AADACL2: variants seen among roughly 807,000 people sequenced by gnomAD.
The protein encoded by AADACL2 is arylacetamide deacetylase like 2, also known as arylacetamide deacetylase-like 2.
Under a neutral mutation model 22.3 loss-of-function variants are expected in AADACL2, and 23 were observed. The observed-to-expected ratio is 1.03, with a 90% CI of 0.74 to 1.46. The LOEUF (loss-of-function observed/expected upper bound fraction) is 1.46, where lower values mean the gene tolerates loss of function less well. Ranked by LOEUF, AADACL2 falls within the 40% of genes most tolerant of loss-of-function variation. The probability of loss-of-function intolerance (pLI) is 0.00; values close to 1 mark genes in which losing one functional copy is unlikely to be tolerated. For missense variants in AADACL2, 472 were observed against 482.9 expected, an observed-to-expected ratio of 0.98 and a Z score of 0.21; for synonymous variants, 177 against 166.2, an observed-to-expected ratio of 1.07 and a Z score of -0.50.
chr3:151,738,823 G>A (rs554802242), intron 1 of AADACL2, among the ~76,000 whole-genome samples: 3 of 152,254 alleles, frequency 2.0e-5, no homozygotes, highest in Admixed American at 2.0e-4. Flanking sequence ...CGAAGTTCTT[G>A]TGCTGTGTTT....
intron 4 of AADACL2, among the ~76,000 whole-genome samples, chr3:151,747,103 T>G (rs1326127713): frequency 1.3e-5 from 2 of 152,124 alleles, no homozygotes; most frequent in Non-Finnish European, 2.9e-5. Context: ...GAGGTTGTAT[T>G]GAGGTACAGT....
chr3:151,739,762 T>A (rs1418230192), intron 1 of AADACL2, among the ~76,000 whole-genome samples: 1 of 152,190 alleles, frequency 6.6e-6, no homozygotes, highest in Non-Finnish European at 1.5e-5. Flanking sequence ...CTTTGCTACA[T>A]GGTGCTGAAT....
At chr3:151,738,228 A>C (rs1350385119) in intron 1 of AADACL2, among the ~76,000 whole-genome samples, 2 of 152,064 alleles carry the variant, frequency 1.3e-5, no homozygotes, top group Non-Finnish European at 1.5e-5. Context: ...TGTCTGGAAA[A>C]GATTTCATTT....
At chr3:151,734,263 A>G (rs1713020500) in intron 1 of AADACL2, 90 bp downstream of exon 1, 2 of 1,338,178 alleles carry the variant, frequency 1.5e-6, no homozygotes, top group Non-Finnish European at 2.0e-6. Context: ...TAATAGTATT[A>G]ATATCACCAT....
At chr3:151,755,944 C>T (rs896983738) in intron 4 of AADACL2, among the ~76,000 whole-genome samples, 1 of 152,074 alleles carries the variant, frequency 6.6e-6, no homozygotes, top group African/African-American at 2.4e-5. Context: ...TGTTTTGGCT[C>T]ATTTTCATTC....
rs1318377607 is a variant in AADACL2, at chr3:151,758,371, G to A, written c.*777G>A. The A allele has an allele frequency of 1.3e-5, 2 of 151,980 alleles. No individual in the cohort carries two copies. The highest frequency in any genetic ancestry group is 2.1e-4 in the South Asian group (1 of 4,822). The allele number at this position is 151,980 out of a possible 1,614,324, so 9.4% of individuals were successfully genotyped here. ...GAAAAACACATGTGTTTACATTTAG[G>A]AGGGTCCACCTGAATAGTCTAGGAT... is the stretch of plus-strand genomic sequence containing the variant. On this transcript the variant is annotated 3_prime_UTR_variant, in exon 5 of 5. Coordinates refer to ENST00000356517, the MANE Select transcript of AADACL2 (RefSeq NM_207365.4).
At chr3:151,741,389 T>C (rs928673278) in intron 2 of AADACL2, among the ~76,000 whole-genome samples, 4 of 152,138 alleles carry the variant, frequency 2.6e-5, no homozygotes, top group African/African-American at 9.7e-5. Flanking sequence ...CCATAAAATC[T>C]CGGTTCCCTA....
At position 151,761,154 on chromosome 3, in the gene AADACL2, T is replaced by C. The variant is rs1460339497; in HGVS notation, c.*3560T>C. On this transcript the variant is annotated 3_prime_UTR_variant, in exon 5 of 5. Transcript: ENST00000356517. The stretch of plus-strand genomic sequence containing the variant: ...ATTTATATATGGTGAGATATATATA[T>C]ATATGGTGAGATATATATTTATATA... 2.0e-5 allele frequency: 2 copies of C among 100,520 alleles called. No homozygotes were observed. Among genetic ancestry groups the C allele is most frequent in the Non-Finnish European group, 4.2e-5 (2 of 47,638 alleles). The allele number at this position is 100,520 out of a possible 1,614,324, so 6.2% of individuals were successfully genotyped here. A position where few individuals can be genotyped will look rare whatever the true frequency, so the allele number is the denominator to read the frequency against.
Position 151,745,673 on chromosome 3 carries a change from C to A in AADACL2, c.596C>A (p.Thr199Asn), listed in dbSNP as rs1233157954. The change falls in exon 4 of 5, where the codon ACT (threonine) becomes AAT (asparagine). Residue 199 changes from threonine (T) to asparagine (N), a missense_variant. Coordinates refer to ENST00000356517, the MANE Select transcript of AADACL2 (RefSeq NM_207365.4). ...SSGGNLATAV[T>N]QQVQNDAEIK... ...GGGGGCAATTTAGCAACAGCGGTCA[C>A]TCAACAGGTACATTATATTTGTTTT... 6.2e-7 allele frequency: 1 copy of A among 1,606,594 alleles called. No individual in the cohort carries two copies. Among genetic ancestry groups the A allele is most frequent in the South Asian group, 1.1e-5 (1 of 89,182 alleles).
intron 4 of AADACL2, among the ~76,000 whole-genome samples, chr3:151,756,315 G>A (rs1713902584): frequency 6.6e-6 from 1 of 150,840 alleles, no homozygotes; most frequent in African/African-American, 2.4e-5. Context: ...TTGCATATCA[G>A]ACTTGTGCAC....
intron 3 of AADACL2, 100 bp from the exon 4 acceptor site, chr3:151,745,409 G>A: frequency 8.2e-7 from 1 of 1,226,970 alleles, no homozygotes; most frequent in Non-Finnish European, 1.1e-6. Context: ...ATTTTTAGAA[G>A]ACTGAACAAT....
In AADACL2 at chr3:151,757,335, G is replaced by A; in HGVS notation, c.947G>A (p.Arg316Lys). The A allele has an allele frequency of 6.2e-7, 1 of 1,613,748 alleles. No homozygotes were observed. Among genetic ancestry groups the A allele is most frequent in the Non-Finnish European group, 8.5e-7 (1 of 1,179,724 alleles). Residue 316 changes from arginine to lysine, a missense_variant, in exon 5 of 5, where the codon AGA (arginine) becomes AAA (lysine). Transcript: ENST00000356517. ...TCATTGCCAGGACTTACAGACAGCA[G>A]AGCATTACCCTTGTTGGCCAATGAT... ...SYSLPGLTDS[R>K]ALPLLANDSQ...
Position 151,758,812 on chromosome 3 carries a change from A to C in AADACL2, c.*1218A>C, listed in dbSNP as rs553571684. On this transcript the variant is annotated 3_prime_UTR_variant, in exon 5 of 5. Coordinates refer to ENST00000356517, the MANE Select transcript of AADACL2 (RefSeq NM_207365.4). ...CCAACTAAGAAGTTAAAAATGTAGTAAGAAATGTGTATATGTATGAGTATG... is the reference window on the plus strand; with the variant it reads ...CCAACTAAGAAGTTAAAAATGTAGTCAGAAATGTGTATATGTATGAGTATG... 2 of 152,194 alleles carry C rather than the reference A, an allele frequency of 1.3e-5. No individual in the cohort carries two copies. The highest frequency in any genetic ancestry group is 3.9e-4 in the East Asian group (2 of 5,184). The allele number at this position is 152,194 out of a possible 1,614,324, so 9.4% of individuals were successfully genotyped here.
intron 2 of AADACL2, 25 bp downstream of exon 2, chr3:151,740,893 G>C: frequency 1.3e-6 from 2 of 1,596,968 alleles, no homozygotes; most frequent in Non-Finnish European, 1.7e-6. Flanking sequence ...TAAGGAAAAA[G>C]TGTAGCTAGC....
chr3:151,745,476 A>G (rs766662876), intron 3 of AADACL2, 33 bp from the exon 4 acceptor site: 1 of 1,591,940 alleles, frequency 6.3e-7, no homozygotes, highest in Admixed American at 1.8e-5. Flanking sequence ...GGACAGATAC[A>G]ACCATAAATG....
rs1713416477 is a variant in AADACL2, at chr3:151,745,609, G to A, written c.532G>A (p.Val178Met). ...GGAAAAAATTCTTACAAAATATGGA[G>A]TGGATCCCACCCGAATCTGCATTGC... ...LLEKILTKYGVDPTRICIAGD... is the reference protein window; with the variant it reads ...LLEKILTKYGMDPTRICIAGD... Residue 178 changes from valine (V) to methionine (M), a missense_variant, in exon 4 of 5, where the codon GTG (valine) becomes ATG (methionine). Coordinates refer to ENST00000356517, the MANE Select transcript of AADACL2 (RefSeq NM_207365.4). The A allele has an allele frequency of 6.2e-7, 1 of 1,613,620 alleles. No individual in the cohort carries two copies. The highest frequency in any genetic ancestry group is 8.5e-7 in the Non-Finnish European group (1 of 1,179,882).
Position 151,734,303 on chromosome 3 carries a change from A to G in AADACL2, c.138+130A>G, listed in dbSNP as rs542304998. The G allele has an allele frequency of 1.5e-4, 160 of 1,066,844 alleles. 1 individual carries two copies. The highest frequency in any genetic ancestry group is 1.1e-4 in the Non-Finnish European group (87 of 765,102). The allele number at this position is 1,066,844 out of a possible 1,614,324, so 66.1% of individuals were successfully genotyped here. A position where few individuals can be genotyped will look rare whatever the true frequency, so the allele number is the denominator to read the frequency against. On this transcript the variant is annotated intron_variant, in intron 1 of 4. Coordinates refer to ENST00000356517, the MANE Select transcript of AADACL2 (RefSeq NM_207365.4). ...AAAGAACCATTGCTTGTTTGAGTAA[A>G]TTAATTAAACAACATTAAGTAAATA...
At chr3:151,749,062 T>C (rs1713557120) in intron 4 of AADACL2, among the ~76,000 whole-genome samples, 2 of 152,168 alleles carry the variant, frequency 1.3e-5, no homozygotes, top group Admixed American at 1.3e-4. Context: ...TCTATTTCTG[T>C]AAAAAATACC....
intron 3 of AADACL2, among the ~76,000 whole-genome samples, chr3:151,744,387 C>T (rs992384027): frequency 6.6e-6 from 1 of 152,088 alleles, no homozygotes; most frequent in Non-Finnish European, 1.5e-5. Flanking sequence ...GTTTTGGAAA[C>T]ACTTGCTCTA....
Sources: gnomAD v4.1 joint callset for allele counts (sites outside exome capture counted in the v4.1 genomes callset) on GRCh38, gnomAD v4.1.1 for gene constraint, MANE v1.5 for transcripts, NCBI Gene and HGNC (gene_info 2026-07-23, HGNC 2026-07-21) for gene names.